Variants in LMNTD1 observed in about 807,000 individuals in gnomAD.
LMNTD1 encodes the protein lamin tail domain-containing protein 1.
In LMNTD1, 35 loss-of-function variants were observed where a neutral mutation model predicts 50.9. That is an observed-to-expected ratio of 0.69 (90% CI 0.53 to 0.91). The LOEUF (loss-of-function observed/expected upper bound fraction) is 0.91, where lower values mean the gene tolerates loss of function less well. Ranked by LOEUF, LMNTD1 falls within the 40% of genes least tolerant of loss-of-function variation. LMNTD1 has a pLI of 0.00. For missense variants in LMNTD1, 470 were observed against 475.5 expected, an observed-to-expected ratio of 0.99 and a Z score of 0.11; for synonymous variants, 153 against 161.9, an observed-to-expected ratio of 0.94 and a Z score of 0.42.
chr12:25,604,552 T>C (rs1044801764), intron 1 of LMNTD1, among the ~76,000 whole-genome samples: 1 of 150,904 alleles, frequency 6.6e-6, no homozygotes, highest in Non-Finnish European at 1.5e-5. Flanking sequence ...CCTGTGTCCA[T>C]GTGTTCTCAT....
intron 9 of LMNTD1, among the ~76,000 whole-genome samples, chr12:25,477,049 A>C (rs1054870518): frequency 6.6e-6 from 1 of 152,156 alleles, no homozygotes. Flanking sequence ...ACCCTTGGAG[A>C]ATCAACACAT....
At chr12:25,520,139 G>T (rs959337335) in intron 6 of LMNTD1, 64 bp from the exon 7 acceptor site, 83 of 152,442 alleles carry the variant, frequency 5.4e-4, no homozygotes, top group South Asian at 9.0e-4. Context: ...GCTGTTATGA[G>T]ATATACATAT....
intron 7 of LMNTD1, among the ~76,000 whole-genome samples, chr12:25,519,586 T>TAAAAAAAAAAAAAAAAAA (rs781742784): frequency 0.022 from 1,606 of 74,666 alleles, 329 homozygotes; most frequent in East Asian, 0.035. Flanking sequence ...AGACTCTGTC[T>TAAAAAAAAAAAAAAAAAA]CAAAAAAAAA....
chr12:25,638,500 G>A (rs1224283376), intron 1 of LMNTD1, among the ~76,000 whole-genome samples: 1 of 151,894 alleles, frequency 6.6e-6, no homozygotes, highest in Non-Finnish European at 1.5e-5. Flanking sequence ...TAGGATAAAA[G>A]ATTAATATAC....
rs1939497131 is a variant in LMNTD1 at position 25,503,409 on chromosome 12, T to G, written c.*22+329A>C. Among the ~76,000 whole-genome samples the G allele has an allele frequency of 1.3e-5, 2 of 152,292 alleles. 1 individual carries two copies. Among genetic ancestry groups the G allele is most frequent in the South Asian group, 4.1e-4 (2 of 4,824 alleles). ...GCTCATAGGAATTAAAATGTACTGG[T>G]GTAGTTGCAGAGTTGTTTTTTGAGT... On this transcript the variant is annotated intron_variant, in intron 9 of 9. Coordinates refer to ENST00000458174, the MANE Select transcript of LMNTD1 (RefSeq NM_001145728.2).
intron 1 of LMNTD1, chr12:25,592,756 C>T (rs1945736958): frequency 6.6e-6 from 1 of 152,264 alleles, no homozygotes; most frequent in African/African-American, 2.4e-5. Flanking sequence ...GTGCAGACTC[C>T]ACAGGCCTGG....
intron 1 of LMNTD1, among the ~76,000 whole-genome samples, chr12:25,585,035 A>G (rs1298781131): frequency 6.6e-6 from 1 of 152,226 alleles, no homozygotes; most frequent in Non-Finnish European, 1.5e-5. Flanking sequence ...TGATTTTTTA[A>G]TAAAGGGTCT....
At chr12:25,610,009 GC>G (rs1946206897) in intron 1 of LMNTD1, among the ~76,000 whole-genome samples, 1 of 152,190 alleles carries the variant, frequency 6.6e-6, no homozygotes, top group Non-Finnish European at 1.5e-5. Flanking sequence ...CCGAGTTCAA[GC>G]TTTCTGGCTA....
At chr12:25,625,769 G>T (rs1230032728) in intron 1 of LMNTD1, among the ~76,000 whole-genome samples, 1 of 152,176 alleles carries the variant, frequency 6.6e-6, no homozygotes, top group Non-Finnish European at 1.5e-5. Flanking sequence ...ACCCATGACT[G>T]CTGGGCCTTG....
At chr12:25,545,974 C>G (rs1321588056) in intron 4 of LMNTD1, among the ~76,000 whole-genome samples, 1 of 151,532 alleles carries the variant, frequency 6.6e-6, no homozygotes, top group Non-Finnish European at 1.5e-5. Context: ...TGCATAGATA[C>G]TAACAGTCAT....
chr12:25,527,588 T>C (rs1293943100), intron 4 of LMNTD1, among the ~76,000 whole-genome samples: 4 of 143,392 alleles, frequency 2.8e-5, no homozygotes, highest in Admixed American at 1.4e-4. Flanking sequence ...ATAAGATATA[T>C]CTGTACCAAT....
At chr12:25,616,092 TAA>T (rs1946348787) in intron 1 of LMNTD1, among the ~76,000 whole-genome samples, 1 of 120,888 alleles carries the variant, frequency 8.3e-6, no homozygotes, top group Non-Finnish European at 1.7e-5. Context: ...GACACACACA[TAA>T]CACACACACA....
chr12:25,571,692 C>CTCTATTTATT (rs1459755517), intron 1 of LMNTD1, among the ~76,000 whole-genome samples: 1 of 152,008 alleles, frequency 6.6e-6, no homozygotes, highest in East Asian at 1.9e-4. Flanking sequence ...TATTTAGAGA[C>CTCTATTTATT]AGAGTCTTGC....
At chr12:25,570,955 G>A (rs1387536624) in intron 1 of LMNTD1, among the ~76,000 whole-genome samples, 1 of 152,158 alleles carries the variant, frequency 6.6e-6, no homozygotes, top group East Asian at 1.9e-4. Flanking sequence ...TAAATGCTGA[G>A]CAGCCTTAAC....
intron 1 of LMNTD1, among the ~76,000 whole-genome samples, chr12:25,619,817 T>A (rs1448556960): frequency 6.6e-6 from 1 of 152,234 alleles, no homozygotes; most frequent in African/African-American, 2.4e-5. Context: ...TGGGCATAAC[T>A]AATGCGAAAT....
chr12:25,546,649 AC>A, intron 3 of LMNTD1, 95 bp from the exon 4 acceptor site: 1 of 663,412 alleles, frequency 1.5e-6, no homozygotes, highest in South Asian at 5.8e-5. Flanking sequence ...CTCTGCTTCT[AC>A]AAAATTATAT....
chr12:25,544,200 A>G (rs1015987049), intron 4 of LMNTD1, among the ~76,000 whole-genome samples: 7 of 151,970 alleles, frequency 4.6e-5, no homozygotes, highest in East Asian at 1.9e-4. Context: ...ACTGCAGTCT[A>G]TATCTCTGTT....
At chr12:25,516,433 T>C (rs998977001) in intron 8 of LMNTD1, among the ~76,000 whole-genome samples, 1 of 152,110 alleles carries the variant, frequency 6.6e-6, no homozygotes, top group Non-Finnish European at 1.5e-5. Flanking sequence ...CTCTGGAAAA[T>C]AAGTTGTTCT....
intron 6 of LMNTD1, among the ~76,000 whole-genome samples, chr12:25,524,743 T>C (rs73076307): frequency 0.14 from 21,085 of 152,142 alleles, 1,547 homozygotes; most frequent in East Asian, 0.2. Context: ...CCTCATTTTC[T>C]CCATCAATGA....
Sources: gnomAD v4.1 joint callset for allele counts (sites outside exome capture counted in the v4.1 genomes callset) on GRCh38, gnomAD v4.1.1 for gene constraint, MANE v1.5 for transcripts, NCBI Gene and HGNC (gene_info 2026-07-23, HGNC 2026-07-21) for gene names.